The following SPON2 variants were observed in gnomAD, a reference collection of about 807,000 sequenced individuals.
SPON2 encodes spondin-2.
A neutral mutation model predicts 29.9 loss-of-function variants in SPON2; 32 were observed. The ratio of observed to expected loss-of-function variants is 1.07; its 90% CI spans 0.81 to 1.44. SPON2 has a LOEUF of 1.44. SPON2 is among the 40% of genes most tolerant of loss of function. The pLI is 0.00. For synonymous variants in SPON2, 248 were observed against 209.1 expected, an observed-to-expected ratio of 1.19 and a Z score of -1.61; for missense variants, 541 against 455.5, an observed-to-expected ratio of 1.19 and a Z score of -1.71.
chr4:1,204,274 G>A (rs919401093), intron 1 of SPON2, among the ~76,000 whole-genome samples: 1 of 152,172 alleles, frequency 6.6e-6, no homozygotes, highest in Non-Finnish European at 1.5e-5. Context: ...CCCTGGAGCC[G>A]ATACACATCC....
intron 1 of SPON2, among the ~76,000 whole-genome samples, chr4:1,192,155 C>T (rs1390704472): frequency 3.3e-5 from 5 of 152,258 alleles, no homozygotes; most frequent in African/African-American, 1.2e-4. Context: ...CTCAAGGCCT[C>T]AGTTTCTTCC....
intron 1 of SPON2, among the ~76,000 whole-genome samples, chr4:1,203,826 T>C (rs1442948139): frequency 6.6e-6 from 1 of 152,214 alleles, no homozygotes; most frequent in African/African-American, 2.4e-5. Flanking sequence ...CATGAGCTTG[T>C]TGGCTGGTCG....
chr4:1,171,573 C>T (rs1727451474), intron 2 of SPON2, 87 bp from the exon 3 acceptor site: 6 of 1,345,380 alleles, frequency 4.5e-6, no homozygotes, highest in Non-Finnish European at 6.2e-6. Flanking sequence ...GAAATCCCTC[C>T]CCGCCGCCCG....
intron 1 of SPON2, among the ~76,000 whole-genome samples, chr4:1,193,464 G>A (rs1420866757): frequency 6.6e-6 from 1 of 151,192 alleles, no homozygotes; most frequent in Non-Finnish European, 1.5e-5. Context: ...TAGGAGTGTG[G>A]GGGAGCTGGG....
upstream of SPON2, among the ~76,000 whole-genome samples, chr4:1,197,300 G>T (rs1385040597): frequency 6.6e-6 from 1 of 152,102 alleles, no homozygotes; most frequent in South Asian, 2.1e-4. Flanking sequence ...AAACCTCAAG[G>T]AACTAAAAAG....
intron 1 of SPON2, among the ~76,000 whole-genome samples, chr4:1,185,999 C>T (rs1312899291): frequency 3.3e-5 from 5 of 151,656 alleles, no homozygotes; most frequent in South Asian, 2.1e-4. Context: ...AATCCCAGCA[C>T]TTTGGGAGGC....
At chr4:1,176,628 A>T (rs1727605080), upstream of SPON2, among the ~76,000 whole-genome samples, 1 of 151,664 alleles carries the variant, frequency 6.6e-6, no homozygotes, top group Admixed American at 6.5e-5. Flanking sequence ...TCATGCAGTC[A>T]TCCACACAGT....
At chr4:1,182,548 C>T (rs1577903789) in intron 1 of SPON2, among the ~76,000 whole-genome samples, 3 of 152,132 alleles carry the variant, frequency 2.0e-5, no homozygotes, top group South Asian at 4.1e-4. Context: ...GTCTGAGGAA[C>T]ACAAAGAAAA....
chr4:1,204,528 G>A (rs570252950), intron 1 of SPON2, among the ~76,000 whole-genome samples: 7 of 152,016 alleles, frequency 4.6e-5, no homozygotes, highest in African/African-American at 7.2e-5. Context: ...AGCGACCCAC[G>A]CACCAGCTCC....
intron 1 of SPON2, among the ~76,000 whole-genome samples, chr4:1,184,936 C>A (rs199863182): frequency 2.7e-3 from 342 of 125,950 alleles, no homozygotes; most frequent in Middle Eastern, 4.3e-3. Flanking sequence ...GACTCTGTCT[C>A]AAAAAAAAAA....
At position 1,171,927 on chromosome 4, in the gene SPON2, C is replaced by A; in HGVS notation, c.145G>T (p.Gly49Cys). 6.2e-7 allele frequency: 1 copy of A among 1,612,856 alleles called. No individual in the cohort carries two copies. Among genetic ancestry groups the A allele is most frequent in the Non-Finnish European group, 8.5e-7 (1 of 1,179,836 alleles). Residue 49 changes from glycine (G) to cysteine (C), a missense_variant, in exon 2 of 6, where the codon GGC (glycine) becomes TGC (cysteine). Coordinates refer to ENST00000290902, the MANE Select transcript of SPON2 (RefSeq NM_012445.4). ...GGGAAGGCCGTCTGGCTCCACTTGC[C>A]CGTGAAGGTGATGCTGTATTTGGCC... Reference protein sequence around the residue: ...ALAKYSITFTGKWSQTAFPKQ... With the variant: ...ALAKYSITFTCKWSQTAFPKQ...
At chr4:1,186,175 C>T (rs1028389106) in intron 1 of SPON2, among the ~76,000 whole-genome samples, 120 of 141,728 alleles carry the variant, frequency 8.5e-4, no homozygotes, top group African/African-American at 2.8e-3. Flanking sequence ...ACCTGGGAGG[C>T]GGAGCTTGCA....
In SPON2 at chr4:1,190,387, C is replaced by T. The variant is rs139030331; in HGVS notation, c.-239+4603G>A. Among the ~76,000 whole-genome samples the T allele has an allele frequency of 3.6e-3, 554 of 152,186 alleles. 3 individuals carry two copies. The highest frequency in any genetic ancestry group is 0.012 in the African/African-American group (503 of 41,516). Reference sequence around the variant, plus strand: ...CCAAATGTTTGAAGCATAATTAATACCAATCCTTCATAAATTCTTCCAAAA... The same window carrying T: ...CCAAATGTTTGAAGCATAATTAATATCAATCCTTCATAAATTCTTCCAAAA... On this transcript the variant is annotated intron_variant, in intron 1 of 3. Transcript: ENST00000502483.
chr4:1,193,103 A>G (rs1321111254), intron 1 of SPON2, among the ~76,000 whole-genome samples: 1 of 152,214 alleles, frequency 6.6e-6, no homozygotes, highest in East Asian at 1.9e-4. Context: ...CAGCTGCACC[A>G]TGCCAGATAC....
At position 1,167,268 on chromosome 4, in the gene SPON2, G is replaced by A; in HGVS notation, c.*204C>T. ...GGACACGGGGGCCCCTAAGAAGCAA[G>A]GTTGGGAAAGGAGGAGGCTGTTTCC... On this transcript the variant is annotated 3_prime_UTR_variant, in exon 6 of 6. Transcript: ENST00000290902. The A allele has an allele frequency of 3.7e-6, 2 of 546,660 alleles. No homozygotes were observed. Among genetic ancestry groups the A allele is most frequent in the African/African-American group, 3.8e-5 (2 of 52,364 alleles). 33.9% of individuals were successfully genotyped at this position (546,660 alleles called of 1,614,324 possible). A position where few individuals can be genotyped will look rare whatever the true frequency, so the allele number is the denominator to read the frequency against.
intron 1 of SPON2, among the ~76,000 whole-genome samples, chr4:1,206,659 C>G (rs1728349365): frequency 6.6e-6 from 1 of 152,192 alleles, no homozygotes; most frequent in South Asian, 2.1e-4. Flanking sequence ...AGGCTCAGCT[C>G]TGCAGGCGGA....
upstream of SPON2, among the ~76,000 whole-genome samples, chr4:1,174,946 G>A (rs1313299614): frequency 6.6e-6 from 1 of 152,222 alleles, no homozygotes; most frequent in Non-Finnish European, 1.5e-5. Flanking sequence ...GTGCCCATCA[G>A]AGCATGGGAG....
chr4:1,174,735 G>C (rs1167765803), upstream of SPON2, among the ~76,000 whole-genome samples: 1 of 152,184 alleles, frequency 6.6e-6, no homozygotes, highest in Admixed American at 6.5e-5. Context: ...ACCCGCCTGA[G>C]AAAAGTGGCG....
intron 2 of SPON2, 75 bp downstream of exon 2, chr4:1,171,777 C>G (rs1435826678): frequency 1.3e-5 from 13 of 1,034,274 alleles, no homozygotes; most frequent in Non-Finnish European, 1.8e-5. Flanking sequence ...GAAGCGCCGC[C>G]GTGCAGCTGT....
Sources: gnomAD v4.1 joint callset for allele counts (sites outside exome capture counted in the v4.1 genomes callset) on GRCh38, gnomAD v4.1.1 for gene constraint, MANE v1.5 for transcripts, NCBI Gene and HGNC (gene_info 2026-07-23, HGNC 2026-07-21) for gene names.